ATP6V0A2: variants seen among roughly 807,000 people sequenced by gnomAD.
The protein encoded by ATP6V0A2 is V-type proton ATPase 116 kDa subunit a 2.
In ATP6V0A2, 58 loss-of-function variants were observed where a neutral mutation model predicts 104.4. The observed-to-expected ratio is 0.56, with a 90% confidence interval of 0.45 to 0.69. The LOEUF is 0.69. Among genes scored for constraint, ATP6V0A2 ranks in the 30% least tolerant of loss-of-function variants. The probability of loss-of-function intolerance (pLI) is 0.00; values close to 1 mark genes in which losing one functional copy is unlikely to be tolerated. For synonymous variants in ATP6V0A2, 376 were observed against 397.9 expected (o/e 0.95, Z 0.65); for missense variants, 938 against 1,062.9 (o/e 0.88, Z 1.63).
At chr12:123,724,559 A>C in intron 3 of ATP6V0A2, 95 bp from the exon 4 acceptor site, 1 of 1,394,784 alleles carries the variant, frequency 7.2e-7, no homozygotes, top group Non-Finnish European at 9.9e-7. Flanking sequence ...AACAAAACAA[A>C]AAAACCCACT....
chr12:123,727,223 C>T lies in ATP6V0A2; in HGVS notation c.522-560C>T, dbSNP rs546299325. 2.6e-5 allele frequency among the ~76,000 whole-genome samples: 4 copies of T among 152,138 alleles called. No individual in the cohort carries two copies. In the East Asian group the frequency reaches 5.8e-4, roughly 22 times the overall value. On this transcript the variant is annotated intron_variant, in intron 5 of 19. Transcript: ENST00000330342. ...GCCTTAAACTCAAGTTCTTAAGATACGGGGTTCAGTGTAATAATCAGGACA... is the reference window on the plus strand; with the variant it reads ...GCCTTAAACTCAAGTTCTTAAGATATGGGGTTCAGTGTAATAATCAGGACA...
intron 13 of ATP6V0A2, among the ~76,000 whole-genome samples, chr12:123,746,924 C>T (rs1376248422): frequency 2.0e-5 from 3 of 151,238 alleles, no homozygotes; most frequent in African/African-American, 7.3e-5. Flanking sequence ...CAGAGCGAGA[C>T]TCCTCAAAAA....
intron 2 of ATP6V0A2, chr12:123,721,190 G>GTGTTTTGTTT (rs55821427): frequency 0.034 from 5,223 of 152,006 alleles, 162 homozygotes; most frequent in African/African-American, 0.065. Flanking sequence ...ATGAATCTAG[G>GTGTTTTGTTT]TGTTTTGTTT....
At chr12:123,714,779 A>G (rs761803173) in intron 1 of ATP6V0A2, among the ~76,000 whole-genome samples, 55 of 152,070 alleles carry the variant, frequency 3.6e-4, no homozygotes, top group Non-Finnish European at 6.6e-4. Context: ...AAACCACACA[A>G]TAGAAAAAAA....
chr12:123,735,489 G>T, intron 7 of ATP6V0A2, 42 bp from the exon 8 acceptor site: 1 of 1,569,472 alleles, frequency 6.4e-7, no homozygotes. Context: ...TTTAGTTCTA[G>T]TGCTGACAGA....
intron 9 of ATP6V0A2, chr12:123,737,540 T>G: frequency 4.7e-6 from 2 of 429,420 alleles, no homozygotes; most frequent in South Asian, 4.3e-5. Context: ...TGAGCCACTG[T>G]GCCCAGCCTT....
Position 123,755,404 on chromosome 12 carries a change from C to T in ATP6V0A2, c.2293+867C>T, listed in dbSNP as rs1369097869. The stretch of plus-strand genomic sequence containing the variant: ...TACAAAAATTAGCTGGTTGTGGTGG[C>T]GGGCGCCTGTAGTCCCAGCTACTCA... On this transcript the variant is annotated intron_variant, in intron 18 of 19. Transcript: ENST00000330342. Among the ~76,000 whole-genome samples, 6 of 151,874 alleles carry T rather than the reference C, an allele frequency of 4.0e-5. No homozygotes were observed. The South Asian group carries it at 6.3e-4, about 16-fold the overall frequency.
intron 1 of ATP6V0A2, among the ~76,000 whole-genome samples, chr12:123,716,416 A>G (rs1432059393): frequency 1.3e-5 from 2 of 152,140 alleles, no homozygotes; most frequent in Non-Finnish European, 2.9e-5. Flanking sequence ...TTTAAATAAC[A>G]TTTCTTAATA....
intron 5 of ATP6V0A2, among the ~76,000 whole-genome samples, chr12:123,727,343 C>T (rs1311265430): frequency 6.6e-6 from 1 of 150,898 alleles, no homozygotes; most frequent in Non-Finnish European, 1.5e-5. Context: ...GGCTAGAGTG[C>T]AGTGGCCCTC....
At chr12:123,713,739 G>A (rs926790773) in intron 1 of ATP6V0A2, among the ~76,000 whole-genome samples, 3 of 152,158 alleles carry the variant, frequency 2.0e-5, no homozygotes, top group African/African-American at 7.2e-5. Context: ...AGTACTTACT[G>A]ACTGAATTGA....
rs759016133 is a variant in ATP6V0A2 at position 123,722,363 on chromosome 12, A to G, written c.209A>G (p.Gln70Arg). ...ELERILVYLVQEINRADIPLP... is the reference protein window; with the variant it reads ...ELERILVYLVREINRADIPLP... ...TTTATTTTCACAGTGTATTTGGTACAGGAAATTAATAGAGCTGATATTCCC... is the reference window on the plus strand; with the variant it reads ...TTTATTTTCACAGTGTATTTGGTACGGGAAATTAATAGAGCTGATATTCCC... The change falls in exon 3 of 20, where the codon CAG becomes CGG. Residue 70 changes from glutamine to arginine, a missense_variant. Physicochemically the swap from Gln to Arg is conservative, Grantham distance 43. Transcript: ENST00000330342. The G allele has an allele frequency of 4.4e-6, 7 of 1,601,064 alleles. No homozygotes were observed. The highest frequency in any genetic ancestry group is 6.0e-6 in the Non-Finnish European group (7 of 1,168,160).
Position 123,751,214 on chromosome 12 carries a change from C to T in ATP6V0A2, c.2040C>T (p.Cys680=). The change falls in exon 16 of 20, where the codon TGC becomes TGT. Residue 680 remains cysteine, a synonymous_variant. Coordinates refer to ENST00000330342, the MANE Select transcript of ATP6V0A2 (RefSeq NM_012463.4). ...TGTGGCTTCACAATGGGCGTAGTTGCTTCGGGGTGAACCGGGTAAGTGCGG... is the reference window on the plus strand; with the variant it reads ...TGTGGCTTCACAATGGGCGTAGTTGTTTCGGGGTGAACCGGGTAAGTGCGG... ...FLLWLHNGRS[C]FGVNRSGYTL... The T allele has an allele frequency of 1.9e-6, 3 of 1,614,172 alleles. No homozygotes were observed. The highest frequency in any genetic ancestry group is 1.1e-5 in the South Asian group (1 of 91,084).
Position 123,743,792 on chromosome 12 carries a change from G to A in ATP6V0A2, c.1046G>A (p.Ser349Asn), listed in dbSNP as rs762379798. 3 of 1,614,100 alleles carry A rather than the reference G, an allele frequency of 1.9e-6. No homozygotes were observed. Among genetic ancestry groups the A allele is most frequent in the Non-Finnish European group, 8.5e-7 (1 of 1,179,964 alleles). ...RRALEEGSRE[S>N]GATIPSFMNI... The stretch of plus-strand genomic sequence containing the variant: ...TCCTTGTTTATGTGGAAGAGAGAGA[G>A]TGGTGCTACAATCCCCTCATTCATG... The change falls in exon 10 of 20, where the codon AGT (serine) becomes AAT (asparagine). Residue 349 changes from serine (S) to asparagine (N), a missense_variant. Coordinates refer to ENST00000330342, the MANE Select transcript of ATP6V0A2 (RefSeq NM_012463.4).
In ATP6V0A2 at chr12:123,745,515, G is replaced by C. The variant is rs184933253; in HGVS notation, c.1605+543G>C. ...AGGTCAGGAGATTGAGACCATCCTGGCTAACACGGTGAAACCCCATCTCTA... is the reference window on the plus strand; with the variant it reads ...AGGTCAGGAGATTGAGACCATCCTGCCTAACACGGTGAAACCCCATCTCTA... On this transcript the variant is annotated intron_variant, in intron 13 of 19. Coordinates refer to ENST00000330342, the MANE Select transcript of ATP6V0A2 (RefSeq NM_012463.4). Among the ~76,000 whole-genome samples, 118 of 152,200 alleles carry C rather than the reference G, an allele frequency of 7.8e-4. 1 individual carries two copies. Among genetic ancestry groups the C allele is most frequent in the African/African-American group, 2.6e-3 (106 of 41,530 alleles).
chr12:123,727,499 G>C lies in ATP6V0A2; in HGVS notation c.522-284G>C, dbSNP rs145118736. On this transcript the variant is annotated intron_variant, in intron 5 of 19. Coordinates refer to ENST00000330342, the MANE Select transcript of ATP6V0A2 (RefSeq NM_012463.4). ...TCAGCATCTTGGACAGGCTGGTTTT[G>C]AACTCCTGACCTTGTGATCCACCCG... Among the ~76,000 whole-genome samples the C allele has an allele frequency of 0.022, 3,365 of 152,162 alleles. 104 individuals are homozygous for C. The highest frequency in any genetic ancestry group is 0.055 in the African/African-American group (2,300 of 41,526).
At chr12:123,720,520 G>T (rs916820007) in intron 2 of ATP6V0A2, among the ~76,000 whole-genome samples, 3 of 152,142 alleles carry the variant, frequency 2.0e-5, no homozygotes, top group Admixed American at 2.0e-4. Context: ...AACATACTGA[G>T]ACCCTGTCTC....
chr12:123,719,005 G>A (rs980604839), intron 2 of ATP6V0A2, among the ~76,000 whole-genome samples: 2 of 152,056 alleles, frequency 1.3e-5, no homozygotes, highest in African/African-American at 2.4e-5. Context: ...ACCCATCATC[G>A]TTTTTGATGG....
At chr12:123,752,166 A>G (rs1956721633) in intron 16 of ATP6V0A2, 117 bp from the exon 17 acceptor site, 3 of 1,414,776 alleles carry the variant, frequency 2.1e-6, no homozygotes, top group South Asian at 2.4e-5. Context: ...AGCCTAAAGA[A>G]CTTTTTTATT....
chr12:123,749,393 T>C (rs554376500), intron 15 of ATP6V0A2, among the ~76,000 whole-genome samples: 3 of 152,274 alleles, frequency 2.0e-5, no homozygotes, highest in East Asian at 1.9e-4. Context: ...TCACAGCACA[T>C]GGACCCTTTC....
Sources: gnomAD v4.1 joint callset for allele counts (sites outside exome capture counted in the v4.1 genomes callset) on GRCh38, gnomAD v4.1.1 for gene constraint, MANE v1.5 for transcripts, NCBI Gene and HGNC (gene_info 2026-07-23, HGNC 2026-07-21) for gene names.